The following RPS6KC1 variants were observed in gnomAD, a reference collection of about 807,000 sequenced individuals.
RPS6KC1 encodes the protein inactive ribosomal protein S6 kinase delta-1.
In RPS6KC1, 54 loss-of-function variants were observed where a neutral mutation model predicts 103.8. That is an observed-to-expected ratio of 0.52 (90% CI 0.42 to 0.65). RPS6KC1 has a LOEUF of 0.65. Ranked by LOEUF, RPS6KC1 falls within the 30% of genes least tolerant of loss-of-function variation. The probability of loss-of-function intolerance (pLI) is 0.00; values close to 1 mark genes in which losing one functional copy is unlikely to be tolerated. For missense variants in RPS6KC1, 1,151 were observed against 1,253.8 expected, an observed-to-expected ratio of 0.92 and a Z score of 1.24; for synonymous variants, 439 against 438.7, an observed-to-expected ratio of 1.00 and a Z score of -0.01.
At chr1:213,704,170 G>A in the RPS6KC1 span, among the ~76,000 whole-genome samples, 46 of 151,596 alleles carry the variant, frequency 3.0e-4, no homozygotes, top group African/African-American at 1.1e-3. Flanking sequence ...GGCGGATCAC[G>A]AGGTCAGGAG....
chr1:213,123,333 A>G (rs1212614958), intron 5 of RPS6KC1, among the ~76,000 whole-genome samples: 5 of 152,146 alleles, frequency 3.3e-5, no homozygotes, highest in African/African-American at 4.8e-5. Flanking sequence ...AAGCCAAGTG[A>G]TGGATCTTTA....
the RPS6KC1 span, among the ~76,000 whole-genome samples, chr1:213,374,904 T>A: frequency 6.6e-6 from 1 of 152,192 alleles, no homozygotes; most frequent in African/African-American, 2.4e-5. Context: ...AGGGAAAATT[T>A]AAAAGGCGAA....
chr1:213,843,771 A>G, the RPS6KC1 span, among the ~76,000 whole-genome samples: 3 of 152,210 alleles, frequency 2.0e-5, no homozygotes, highest in African/African-American at 4.8e-5. Context: ...GTACTGTTCA[A>G]TAAGAGAAAG....
chr1:213,307,954 G>C, the RPS6KC1 span, among the ~76,000 whole-genome samples: 2 of 152,140 alleles, frequency 1.3e-5, no homozygotes, highest in African/African-American at 4.8e-5. Context: ...AGCAAGTCAA[G>C]GTCTGTGCCA....
chr1:213,149,828 G>T (rs2088422867), intron 6 of RPS6KC1, among the ~76,000 whole-genome samples: 1 of 152,162 alleles, frequency 6.6e-6, no homozygotes, highest in South Asian at 2.1e-4. Flanking sequence ...GGGTACCCCA[G>T]GGTTAGGTGC....
the RPS6KC1 span, among the ~76,000 whole-genome samples, chr1:213,513,822 T>G: frequency 2.6e-5 from 4 of 152,170 alleles, no homozygotes; most frequent in African/African-American, 9.7e-5. Context: ...TGACACAAAG[T>G]AATACTGATA....
In RPS6KC1 at chr1:213,117,202, T is replaced by TGTCATC. The variant is rs2083753881; in HGVS notation, c.379-115_379-114insGTCATC. The TGTCATC allele has an allele frequency of 6.7e-6, 4 of 597,928 alleles. No homozygotes were observed. The East Asian group carries it at 1.2e-4, about 17-fold the overall frequency. 37.0% of individuals were successfully genotyped at this position (597,928 alleles called of 1,614,324 possible). On this transcript the variant is annotated intron_variant, in intron 4 of 14. Coordinates refer to ENST00000366960, the MANE Select transcript of RPS6KC1 (RefSeq NM_012424.6). Reference sequence around the variant, plus strand: ...AACACTTGTCATCTAGTTTAATAGATTAGTATAGTCGTTTCTGTACATCTT... The same window carrying TGTCATC: ...AACACTTGTCATCTAGTTTAATAGATGTCATCTAGTATAGTCGTTTCTGTACATCTT...
At chr1:213,613,959 G>A in the RPS6KC1 span, among the ~76,000 whole-genome samples, 2 of 152,240 alleles carry the variant, frequency 1.3e-5, no homozygotes, top group Non-Finnish European at 2.9e-5. Context: ...AGACAGCAGA[G>A]CATGGGCTTT....
chr1:213,089,493 C>T (rs572528944), intron 3 of RPS6KC1, among the ~76,000 whole-genome samples: 144 of 151,380 alleles, frequency 9.5e-4, no homozygotes, highest in Non-Finnish European at 1.0e-3. Flanking sequence ...TGGAGTTTTG[C>T]CCTTGTCACC....
the RPS6KC1 span, among the ~76,000 whole-genome samples, chr1:213,617,854 C>G: frequency 6.6e-6 from 1 of 152,132 alleles, no homozygotes; most frequent in African/African-American, 2.4e-5. Context: ...TTTCTTATTG[C>G]TCTAGCTCTA....
the RPS6KC1 span, among the ~76,000 whole-genome samples, chr1:213,398,225 T>G: frequency 6.7e-6 from 1 of 149,544 alleles, no homozygotes. Flanking sequence ...TTTGTATTTT[T>G]AGTAGAGACA....
the RPS6KC1 span, among the ~76,000 whole-genome samples, chr1:213,645,553 C>T: frequency 6.6e-6 from 1 of 152,150 alleles, no homozygotes; most frequent in Non-Finnish European, 1.5e-5. Flanking sequence ...TGTAATCCCC[C>T]TACCCCATGT....
chr1:213,799,620 G>A, the RPS6KC1 span, among the ~76,000 whole-genome samples: 18 of 152,336 alleles, frequency 1.2e-4, no homozygotes, highest in African/African-American at 4.3e-4. Flanking sequence ...GCGGGAATCC[G>A]CAAATGACTC....
At chr1:213,168,766 G>T (rs1215192796) in intron 7 of RPS6KC1, among the ~76,000 whole-genome samples, 51 of 151,938 alleles carry the variant, frequency 3.4e-4, no homozygotes, top group Non-Finnish European at 1.5e-5. Flanking sequence ...GGGACTACAG[G>T]CACCCACCAC....
chr1:213,104,874 T>C (rs2082331337), intron 4 of RPS6KC1, among the ~76,000 whole-genome samples: 1 of 151,978 alleles, frequency 6.6e-6, no homozygotes, highest in Non-Finnish European at 1.5e-5. Flanking sequence ...TGCCTCAGAC[T>C]CCTGAGTGTT....
the RPS6KC1 span, chr1:213,832,760 T>C: frequency 1.3e-5 from 2 of 152,210 alleles, no homozygotes; most frequent in Non-Finnish European, 2.9e-5. Context: ...TTTAACATGA[T>C]TGCATTAGAG....
At chr1:213,424,435 G>A in the RPS6KC1 span, among the ~76,000 whole-genome samples, 4 of 152,372 alleles carry the variant, frequency 2.6e-5, no homozygotes, top group South Asian at 4.1e-4. Flanking sequence ...ACTTAGAAGC[G>A]TTTCGAGAGC....
the RPS6KC1 span, among the ~76,000 whole-genome samples, chr1:213,745,021 G>C: frequency 1.3e-5 from 2 of 152,146 alleles, no homozygotes; most frequent in African/African-American, 4.8e-5. Context: ...ACACAAACAC[G>C]CTGGCAGTGG....
chr1:213,402,958 C>CAAAAAAAAAAAAA, the RPS6KC1 span, among the ~76,000 whole-genome samples: 6 of 111,456 alleles, frequency 5.4e-5, no homozygotes, highest in Non-Finnish European at 7.0e-5. Flanking sequence ...ACTAAAAATA[C>CAAAAAAAAAAAAA]AAAAAAAAAA....
Sources: gnomAD v4.1 joint callset for allele counts (sites outside exome capture counted in the v4.1 genomes callset) on GRCh38, gnomAD v4.1.1 for gene constraint, MANE v1.5 for transcripts, NCBI Gene and HGNC (gene_info 2026-07-23, HGNC 2026-07-21) for gene names.